Variants in WDR62 observed in about 807,000 individuals in gnomAD.
WDR62 encodes the protein WD repeat domain 62.
WDR62 carries 112 observed loss-of-function variants against 160.6 expected under a neutral mutation model. The observed-to-expected ratio is 0.70, with a 90% confidence interval of 0.60 to 0.82. The LOEUF (loss-of-function observed/expected upper bound fraction) is 0.82. Among genes scored for constraint, WDR62 ranks in the 40% least tolerant of loss-of-function variants. The pLI is 0.00. For synonymous variants in WDR62, 792 were observed against 815.1 expected (o/e 0.97, Z 0.48); for missense variants, 1,819 against 1,983.8 (o/e 0.92, Z 1.58).
chr19:36,091,347 C>G (rs564142501), intron 17 of WDR62, 36 bp downstream of exon 17: 46 of 1,591,244 alleles, frequency 2.9e-5, no homozygotes, highest in Non-Finnish European at 3.7e-5. Context: ...GCCTCCCCAC[C>G]CGCCCACACC....
Position 36,103,396 on chromosome 19 carries a change from A to T in WDR62, c.3568A>T (p.Thr1190Ser). Residue 1190 changes from threonine (T) to serine (S), a missense_variant, in exon 30 of 32, where the codon ACA becomes TCA. Thr to Ser is a moderately conservative substitution (Grantham distance 58, BLOSUM62 1). Transcript: ENST00000401500. ...SCVPASSVLP[T>S]DRNLPTPTSA... ...TGTCCCTGCTTCCTCCGTGCTGCCC[A>T]CAGACAGGAATCTCCCAACGCCCAC... The T allele has an allele frequency of 6.2e-7, 1 of 1,613,274 alleles. No homozygotes were observed. Among genetic ancestry groups the T allele is most frequent in the Non-Finnish European group, 8.5e-7 (1 of 1,179,788 alleles).
intron 21 of WDR62, among the ~76,000 whole-genome samples, chr19:36,099,043 A>C (rs1337470372): frequency 6.6e-6 from 1 of 151,910 alleles, no homozygotes; most frequent in Admixed American, 6.6e-5. Flanking sequence ...CCAACATGGC[A>C]AAACCCCATC....
At chr19:36,058,555 G>A (rs974869382) in intron 1 of WDR62, among the ~76,000 whole-genome samples, 5 of 152,214 alleles carry the variant, frequency 3.3e-5, no homozygotes, top group African/African-American at 1.2e-4. Context: ...TGAGCCCCCC[G>A]AGGGCAGGGA....
In WDR62 at chr19:36,092,790, A is replaced by G. The variant is rs61747277; in HGVS notation, c.2312A>G (p.Lys771Arg). 3.8e-3 allele frequency: 6,057 copies of G among 1,614,062 alleles called. 157 individuals carry two copies. The African/African-American group carries it at 0.063, about 17-fold the overall frequency. Reference sequence around the variant, plus strand: ...CAGCAGCAGCAGCACACAAATGACAAGAAGCGGAGTGGCCACCCCAGGTCC... The same window carrying G: ...CAGCAGCAGCAGCACACAAATGACAGGAAGCGGAGTGGCCACCCCAGGTCC... ...HRQQQQHTND[K>R]KRSGHPRQDT... The change falls in exon 19 of 32, where the codon AAG (lysine) becomes AGG (arginine). Residue 771 changes from lysine (K) to arginine (R), a missense_variant. Physicochemically the swap from Lys to Arg is conservative, Grantham distance 26 (BLOSUM62 2). Coordinates refer to ENST00000401500, the MANE Select transcript of WDR62 (RefSeq NM_001083961.2).
intron 15 of WDR62, 71 bp from the exon 16 acceptor site, chr19:36,090,374 G>A: frequency 6.7e-7 from 1 of 1,482,916 alleles, no homozygotes; most frequent in Non-Finnish European, 9.4e-7. Context: ...GGGGAGGACA[G>A]CAAGAGCCAG....
intron 30 of WDR62, among the ~76,000 whole-genome samples, 177 bp downstream of exon 30, chr19:36,104,158 A>G (rs747938185): frequency 1.3e-5 from 2 of 152,256 alleles, no homozygotes; most frequent in African/African-American, 4.8e-5. Context: ...ACCCTGGGAC[A>G]TGGGACATGG....
chr19:36,072,790 C>T (rs1474023176), intron 8 of WDR62, among the ~76,000 whole-genome samples: 2 of 152,206 alleles, frequency 1.3e-5, no homozygotes, highest in Non-Finnish European at 2.9e-5. Context: ...GGGAAGGTGA[C>T]TATACCTCCC....
At chr19:36,094,548 C>T (rs2016406) in intron 20 of WDR62, among the ~76,000 whole-genome samples, 11 of 148,644 alleles carry the variant, frequency 7.4e-5, no homozygotes, top group Admixed American at 2.7e-4. Flanking sequence ...AGCAAGACTC[C>T]GTCTCAAAAA....
chr19:36,062,197 C>T (rs924965204), intron 3 of WDR62: 4 of 152,182 alleles, frequency 2.6e-5, no homozygotes, highest in Non-Finnish European at 5.9e-5. Flanking sequence ...CTGCCTGCCT[C>T]AGCCTCCCAA....
Position 36,066,372 on chromosome 19 carries a change from A to G in WDR62, c.506A>G (p.His169Arg). 1 of 1,613,494 alleles carries G rather than the reference A, an allele frequency of 6.2e-7. No homozygotes were observed. Among genetic ancestry groups the G allele is most frequent in the African/African-American group, 1.3e-5 (1 of 75,042 alleles). The stretch of plus-strand genomic sequence containing the variant: ...GTGGCCTTCTCACCCAATATGAAGC[A>G]CATCGTGTCCATGGGCTACCAACAT... ...ACVAFSPNMK[H>R]IVSMGYQHDM... Residue 169 changes from histidine (H) to arginine (R), a missense_variant, in exon 5 of 32, where the codon CAC becomes CGC. His to Arg is a conservative substitution (Grantham distance 29, BLOSUM62 0). Around this residue, in one of 3 missense-constraint regions of WDR62, gnomAD observed 934 missense variants for 1,157.2 expected, o/e 0.81. Coordinates refer to ENST00000401500, the MANE Select transcript of WDR62 (RefSeq NM_001083961.2).
Position 36,103,110 on chromosome 19 carries a change from C to T in WDR62, c.3462+36C>T, listed in dbSNP as rs1361672592. 2 of 1,614,050 alleles carry T rather than the reference C, an allele frequency of 1.2e-6. 1 individual carries two copies. Among genetic ancestry groups the T allele is most frequent in the South Asian group, 2.2e-5 (2 of 91,086 alleles). On this transcript the variant is annotated intron_variant, in intron 28 of 31. Transcript: ENST00000401500. Reference sequence around the variant, plus strand: ...GGCCCACCTCCGTCAGGGCACGGGGCTGGGAACCCTGAGGCCTTGTCCTCA... The same window carrying T: ...GGCCCACCTCCGTCAGGGCACGGGGTTGGGAACCCTGAGGCCTTGTCCTCA...
downstream of WDR62, chr19:36,105,211 G>C: frequency 1.3e-6 from 1 of 748,496 alleles, no homozygotes; most frequent in Non-Finnish European, 2.1e-6. Flanking sequence ...TCTGTCAGTG[G>C]AGAGCATGGG....
Position 36,103,034 on chromosome 19 carries a change from C to T in WDR62, c.3422C>T (p.Pro1141Leu), listed in dbSNP as rs1973475047. ...CTCATGGACCGAGGCGGAAGCCAGCCCAGAGCAGGTACTGGCTACGCCTCC... is the reference window on the plus strand; with the variant it reads ...CTCATGGACCGAGGCGGAAGCCAGCTCAGAGCAGGTACTGGCTACGCCTCC... ...VKLMDRGGSQPRAGTGYASPD... is the reference protein window; with the variant it reads ...VKLMDRGGSQLRAGTGYASPD... The change falls in exon 28 of 32, where the codon CCC becomes CTC. Residue 1141 changes from proline to leucine, a missense_variant. This residue lies in a region of WDR62 where 770 missense variants were observed against 734.2 expected (regional missense o/e 1.05). Transcript: ENST00000401500. 6.2e-7 allele frequency: 1 copy of T among 1,614,146 alleles called. No homozygotes were observed. Among genetic ancestry groups the T allele is most frequent in the Non-Finnish European group, 8.5e-7 (1 of 1,180,026 alleles).
In WDR62 at chr19:36,068,009, AG is replaced by A. The variant is rs763600538; in HGVS notation, c.882+1del. Reference protein sequence around the residue: ...KRVLEKWINLKVSLSSCLCVS... With the variant: ...KRVLEKWINLXVSLSSCLCVS... ...GTGCTGGAGAAGTGGATCAACCTGA[AG>A]GTACCACCTCCCTCTCTGCCATCAG... On this transcript the variant is annotated frameshift_variant and splice_region_variant, in exon 7 of 32. Transcript: ENST00000401500. LOFTEE classifies it high-confidence loss of function. 1.9e-6 allele frequency: 3 copies of A among 1,613,398 alleles called. No individual in the cohort carries two copies. The highest frequency in any genetic ancestry group is 2.5e-6 in the Non-Finnish European group (3 of 1,179,646).
intron 9 of WDR62, among the ~76,000 whole-genome samples, chr19:36,077,628 G>A (rs1971651425): frequency 7.2e-6 from 1 of 139,538 alleles, no homozygotes; most frequent in Non-Finnish European, 1.5e-5. Context: ...ATGGAGTCTC[G>A]CTTTGTCACC....
intron 3 of WDR62, chr19:36,061,103 G>A (rs1346594625): frequency 6.6e-6 from 1 of 152,222 alleles, no homozygotes; most frequent in Non-Finnish European, 1.5e-5. Context: ...GATAAGGAGT[G>A]GGTTTTCTCC....
Position 36,102,008 on chromosome 19 carries a change from T to A in WDR62, c.3083-6T>A, listed in dbSNP as rs201697990. 9.3e-6 allele frequency: 15 copies of A among 1,613,982 alleles called. No individual in the cohort carries two copies. Among genetic ancestry groups the A allele is most frequent in the African/African-American group, 1.3e-5 (1 of 74,914 alleles). ...TCCTCTTGTCCCTCCCCTCCTTCCC[T>A]GTCAGGATGCGCAGGTCCCACAGAA... On this transcript the variant is annotated splice_polypyrimidine_tract_variant and splice_region_variant and intron_variant, in intron 25 of 31. Transcript: ENST00000401500.
chr19:36,068,456 A>C (rs1035918240), intron 7 of WDR62, among the ~76,000 whole-genome samples: 1 of 152,190 alleles, frequency 6.6e-6, no homozygotes, highest in East Asian at 1.9e-4. Flanking sequence ...GTCAGCAGAC[A>C]AACAAGTGAA....
At chr19:36,110,805 G>C in the WDR62 span, among the ~76,000 whole-genome samples, 6 of 152,168 alleles carry the variant, frequency 3.9e-5, no homozygotes, top group African/African-American at 1.4e-4. Flanking sequence ...TGAATAACCA[G>C]GCAGGCTGCT....
Sources: allele counts gnomAD v4.1 joint callset (sites outside exome capture counted in the v4.1 genomes callset), GRCh38; gene constraint gnomAD v4.1.1; regional missense constraint gnomAD v4.1.1; transcripts MANE v1.5; gene names NCBI Gene and HGNC (gene_info 2026-07-23, HGNC 2026-07-21).